Variants in STX7 observed in about 807,000 individuals in gnomAD.
STX7 encodes syntaxin 7, also known as syntaxin-7.
A neutral mutation model predicts 39.6 loss-of-function variants in STX7; 34 were observed. The ratio of observed to expected loss-of-function variants is 0.86; its 90% CI spans 0.65 to 1.14. The LOEUF (loss-of-function observed/expected upper bound fraction) is 1.14, where lower values mean the gene tolerates loss of function less well. Among genes scored for constraint, STX7 ranks in the 50% most tolerant of loss-of-function variants. The pLI is 0.00. For missense variants in STX7, 284 were observed against 310.4 expected (o/e 0.92, Z 0.64); for synonymous variants, 119 against 99.1 (o/e 1.20, Z -1.19).
chr6:132,508,249 G>A (rs1002506400), intron 1 of STX7, among the ~76,000 whole-genome samples: 1 of 152,250 alleles, frequency 6.6e-6, no homozygotes, highest in Non-Finnish European at 1.5e-5. Context: ...ATCAAGTCAA[G>A]GACAGTATTC....
At chr6:132,475,418 A>G in intron 3 of STX7, 175 bp downstream of exon 3, 4 of 403,508 alleles carry the variant, frequency 9.9e-6, no homozygotes, top group Non-Finnish European at 1.7e-5. Context: ...TACTCCAGAC[A>G]GGGAAAAATC....
intron 1 of STX7, among the ~76,000 whole-genome samples, chr6:132,510,466 ACATTT>A (rs1282765045): frequency 6.6e-6 from 1 of 152,248 alleles, no homozygotes; most frequent in African/African-American, 2.4e-5. Flanking sequence ...CTTTTACTCT[ACATTT>A]CATTTTTTCA....
At chr6:132,486,976 T>C (rs2114428436) in intron 2 of STX7, among the ~76,000 whole-genome samples, 1 of 152,306 alleles carries the variant, frequency 6.6e-6, no homozygotes, top group South Asian at 2.1e-4. Context: ...CTAGTAGTGT[T>C]CTCTTCTTTT....
rs78603709 is a variant in STX7 at position 132,469,978 on chromosome 6, C to T, written c.510G>A (p.Glu170=). 2,183 of 1,600,316 alleles carry T rather than the reference C, an allele frequency of 1.4e-3. 33 individuals are homozygous for T. The East Asian group carries it at 0.041, about 30-fold the overall frequency. ...CAAGTTGCCTGATAGAAGATTCTCT[C>T]TCATGAATAAGACGGAGGTCATCCT... ...ITEDDLRLIH[E]RESSIRQLEA... The change falls in exon 7 of 10, where the codon GAG becomes GAA. Residue 170 remains glutamate (E), a synonymous_variant. Transcript: ENST00000367941.
intron 3 of STX7, 113 bp downstream of exon 3, chr6:132,475,480 T>A (rs1774850404): frequency 1.6e-6 from 1 of 608,240 alleles, no homozygotes; most frequent in Non-Finnish European, 2.6e-6. Context: ...AAAACTCCAT[T>A]GTTTTTCCAT....
intron 2 of STX7, among the ~76,000 whole-genome samples, chr6:132,483,772 T>C (rs1402529230): frequency 6.6e-6 from 1 of 152,110 alleles, no homozygotes; most frequent in Non-Finnish European, 1.5e-5. Flanking sequence ...CAATTGACCA[T>C]GTTCAAAAAT....
chr6:132,479,423 G>C (rs945572136), intron 2 of STX7, among the ~76,000 whole-genome samples: 6 of 152,200 alleles, frequency 3.9e-5, no homozygotes, highest in Non-Finnish European at 8.8e-5. Context: ...GAATGTTGGA[G>C]CAAAACCTTC....
At chr6:132,505,167 T>C (rs1326897459) in intron 1 of STX7, among the ~76,000 whole-genome samples, 3 of 152,246 alleles carry the variant, frequency 2.0e-5, no homozygotes, top group Admixed American at 6.5e-5. Context: ...GGGCTTATTA[T>C]GATTAAGTAA....
intron 1 of STX7, among the ~76,000 whole-genome samples, chr6:132,510,461 A>C (rs1323963408): frequency 1.3e-5 from 2 of 152,204 alleles, no homozygotes; most frequent in African/African-American, 2.4e-5. Flanking sequence ...CTACACTTTT[A>C]CTCTACATTT....
rs1003973597 is a variant in STX7, at chr6:132,506,924, T to C, written c.-58-3336A>G. 2.0e-5 allele frequency among the ~76,000 whole-genome samples: 3 copies of C among 152,156 alleles called. No individual in the cohort carries two copies. The East Asian group carries it at 5.8e-4, about 29-fold the overall frequency. On this transcript the variant is annotated intron_variant, in intron 1 of 9. Transcript: ENST00000367941. ...TCAAGTGTCTATTAACATTCCTGAA[T>C]GGATAAAGAAAATGTAGTGTATATA...
chr6:132,494,980 A>T (rs1775387881), intron 2 of STX7, among the ~76,000 whole-genome samples: 1 of 152,170 alleles, frequency 6.6e-6, no homozygotes, highest in Non-Finnish European at 1.5e-5. Flanking sequence ...AGACACAGAC[A>T]GATCTGACCG....
chr6:132,461,945 G>A, intron 9 of STX7: 1 of 1,251,426 alleles, frequency 8.0e-7, no homozygotes, highest in Non-Finnish European at 1.1e-6. Context: ...TTCTGAGTCT[G>A]AAATTACACT....
intron 1 of STX7, 48 bp from the exon 2 acceptor site, chr6:132,503,636 T>C: frequency 1.3e-6 from 1 of 795,332 alleles, no homozygotes; most frequent in Non-Finnish European, 2.0e-6. Context: ...GTTACTGGCT[T>C]ACATTTTCCA....
intron 2 of STX7, among the ~76,000 whole-genome samples, chr6:132,484,386 G>T (rs538909256): frequency 7.4e-4 from 112 of 152,212 alleles, no homozygotes; most frequent in Middle Eastern, 3.4e-3. Flanking sequence ...TTACAGTAAA[G>T]AATAGTTTGT....
intron 1 of STX7, among the ~76,000 whole-genome samples, chr6:132,512,445 C>T (rs1775871760): frequency 6.6e-6 from 1 of 152,090 alleles, no homozygotes; most frequent in Admixed American, 6.5e-5. Context: ...AAGGTGTATA[C>T]TCAAAGAATG....
chr6:132,461,558 C>A (rs1022612916), intron 9 of STX7, among the ~76,000 whole-genome samples: 1 of 152,164 alleles, frequency 6.6e-6, no homozygotes, highest in East Asian at 1.9e-4. Flanking sequence ...GATCTGCCCA[C>A]TTCGGCCTCC....
At chr6:132,481,516 C>G (rs189955896) in intron 2 of STX7, among the ~76,000 whole-genome samples, 5 of 152,264 alleles carry the variant, frequency 3.3e-5, no homozygotes, top group Non-Finnish European at 5.9e-5. Context: ...TTTATAGATA[C>G]TGAAATTTCT....
chr6:132,477,562 T>C (rs953121988), intron 2 of STX7, among the ~76,000 whole-genome samples: 3 of 152,072 alleles, frequency 2.0e-5, no homozygotes, highest in Non-Finnish European at 1.5e-5. Context: ...AAATTGAAAA[T>C]ATTAAACTGC....
intron 2 of STX7, among the ~76,000 whole-genome samples, chr6:132,503,158 A>G (rs969668577): frequency 1.2e-4 from 18 of 152,202 alleles, no homozygotes; most frequent in African/African-American, 4.1e-4. Context: ...CTAGAACCAG[A>G]TAGCTTTAAA....
Sources: allele counts gnomAD v4.1 joint callset (sites outside exome capture counted in the v4.1 genomes callset), GRCh38; gene constraint gnomAD v4.1.1; transcripts MANE v1.5; gene names NCBI Gene and HGNC (gene_info 2026-07-23, HGNC 2026-07-21).